Variants in SOX5 observed in about 807,000 individuals in gnomAD.
SOX5 encodes the protein SRY-box transcription factor 5, also known as transcription factor SOX-5.
Under a neutral mutation model 92.0 loss-of-function variants are expected in SOX5, and 9 were observed. That is an observed-to-expected ratio of 0.10 (90% confidence interval 0.06 to 0.17). SOX5 has a LOEUF of 0.17. Among genes scored for constraint, SOX5 ranks in the 10% least tolerant of loss-of-function variants. The pLI, the probability that SOX5 is intolerant of heterozygous loss-of-function variation, is 1.00. For missense variants in SOX5, 642 were observed against 944.5 expected, an observed-to-expected ratio of 0.68 and a Z score of 4.20; for synonymous variants, 344 against 336.3, an observed-to-expected ratio of 1.02 and a Z score of -0.25.
intron 3 of SOX5, among the ~76,000 whole-genome samples, chr12:24,251,602 A>C: frequency 6.8e-6 from 1 of 147,268 alleles, no homozygotes; most frequent in African/African-American, 2.5e-5. Context: ...ATGAAGTCTC[A>C]CTTTTGTCGC....
rs11369294 is a variant in SOX5 at position 24,520,503 on chromosome 12, T to TAA, written c.-251+41824_-251+41825dup. 1.8e-4 allele frequency among the ~76,000 whole-genome samples: 26 copies of TAA among 147,692 alleles called. No individual in the cohort carries two copies. The South Asian group carries it at 2.6e-3, about 15-fold the overall frequency. On this transcript the variant is annotated intron_variant, in intron 1 of 4. Coordinates refer to the SOX5 transcript ENST00000446891. ...TAATAGACACATAAAAGATAAACAGTAAAAAAAAACAAAGCAAATATACAC... is the reference window on the plus strand; with the variant it reads ...TAATAGACACATAAAAGATAAACAGTAAAAAAAAAAACAAAGCAAATATACAC...
chr12:23,559,972 G>A (rs187547219), intron 11 of SOX5, among the ~76,000 whole-genome samples: 77 of 152,160 alleles, frequency 5.1e-4, no homozygotes, highest in African/African-American at 1.4e-3. Flanking sequence ...GTACAATGGC[G>A]TGATCTCGGC....
intron 2 of SOX5, among the ~76,000 whole-genome samples, chr12:24,298,783 C>CAAAAA (rs10657648): frequency 0.17 from 16,706 of 96,282 alleles, 2,760 homozygotes; most frequent in East Asian, 0.64. Flanking sequence ...CCAGAGTAGT[C>CAAAAA]AAAAAAAAAA....
chr12:24,489,760 G>T (rs1332606295), intron 1 of SOX5, among the ~76,000 whole-genome samples: 1 of 152,194 alleles, frequency 6.6e-6, no homozygotes, highest in African/African-American at 2.4e-5. Flanking sequence ...GCCATCCCAA[G>T]GCAGGGCAGC....
At chr12:23,859,621 G>A (rs1413408371) in intron 2 of SOX5, among the ~76,000 whole-genome samples, 1 of 152,088 alleles carries the variant, frequency 6.6e-6, no homozygotes, top group Non-Finnish European at 1.5e-5. Context: ...GCCCTCTGAA[G>A]CATGTGATCC....
At chr12:23,636,796 C>T (rs1433151059) in intron 8 of SOX5, among the ~76,000 whole-genome samples, 1 of 152,032 alleles carries the variant, frequency 6.6e-6, no homozygotes, top group African/African-American at 2.4e-5. Flanking sequence ...TTATGAGTTA[C>T]CAAATGTCTG....
chr12:23,608,119 A>G (rs1389832168), intron 8 of SOX5, among the ~76,000 whole-genome samples: 2 of 146,934 alleles, frequency 1.4e-5, no homozygotes, highest in East Asian at 3.9e-4. Context: ...AAAAAAGAAA[A>G]AAAAAAAAAA....
At chr12:23,578,961 GCAA>G (rs1456052269) in intron 9 of SOX5, among the ~76,000 whole-genome samples, 36 of 152,030 alleles carry the variant, frequency 2.4e-4, no homozygotes, top group Non-Finnish European at 4.6e-4. Context: ...GCAAAGCAAA[GCAA>G]AGAAAAAGAA....
chr12:23,621,435 A>G (rs1592662716), intron 8 of SOX5, among the ~76,000 whole-genome samples: 1 of 152,254 alleles, frequency 6.6e-6, no homozygotes, highest in South Asian at 2.1e-4. Context: ...AAACGTGGTT[A>G]AAATGTAAGT....
intron 2 of SOX5, among the ~76,000 whole-genome samples, chr12:24,350,169 A>G (rs935448432): frequency 1.3e-5 from 2 of 152,256 alleles, no homozygotes; most frequent in Admixed American, 6.5e-5. Context: ...AGCACTGACT[A>G]TTGAAAGTGC....
At chr12:24,107,131 C>T (rs576181432) in intron 4 of SOX5, among the ~76,000 whole-genome samples, 1 of 152,040 alleles carries the variant, frequency 6.6e-6, no homozygotes. Flanking sequence ...CCTAATAATC[C>T]TCTTCTCTAA....
At chr12:23,930,779 C>T (rs1356397042) in intron 1 of SOX5, among the ~76,000 whole-genome samples, 1 of 151,714 alleles carries the variant, frequency 6.6e-6, no homozygotes, top group Admixed American at 6.6e-5. Flanking sequence ...TAGAACCAGA[C>T]TCATAAACTA....
At chr12:24,461,294 G>T (rs1943599027) in intron 1 of SOX5, among the ~76,000 whole-genome samples, 1 of 152,014 alleles carries the variant, frequency 6.6e-6, no homozygotes, top group African/African-American at 2.4e-5. Flanking sequence ...TACGATTCTA[G>T]TTTTGAACAC....
chr12:23,671,647 T>C (rs1417868744), intron 6 of SOX5, among the ~76,000 whole-genome samples: 1 of 152,134 alleles, frequency 6.6e-6, no homozygotes, highest in Non-Finnish European at 1.5e-5. Context: ...TGTCAGTTTA[T>C]CCTACTCAAT....
chr12:24,187,467 C>T (rs913694712), intron 4 of SOX5, among the ~76,000 whole-genome samples: 10 of 152,180 alleles, frequency 6.6e-5, no homozygotes, highest in Non-Finnish European at 1.5e-4. Flanking sequence ...TTTGAAAAGG[C>T]ACAGACAGAA....
At chr12:24,376,506 A>T (rs1329408748) in intron 1 of SOX5, among the ~76,000 whole-genome samples, 1 of 152,150 alleles carries the variant, frequency 6.6e-6, no homozygotes, top group Non-Finnish European at 1.5e-5. Flanking sequence ...ACAATTTGCC[A>T]ATCATGGTAG....
chr12:23,674,600 A>G (rs2085363088), intron 6 of SOX5, among the ~76,000 whole-genome samples: 1 of 151,964 alleles, frequency 6.6e-6, no homozygotes, highest in African/African-American at 2.4e-5. Flanking sequence ...GGCCTCCCAA[A>G]GTGCTGGGAT....
At chr12:24,284,726 G>A (rs911520862) in intron 2 of SOX5, among the ~76,000 whole-genome samples, 1 of 152,120 alleles carries the variant, frequency 6.6e-6, no homozygotes, top group Non-Finnish European at 1.5e-5. Flanking sequence ...TGTCTCTCCA[G>A]TATAAAGGTG....
intron 1 of SOX5, among the ~76,000 whole-genome samples, chr12:24,479,126 A>G (rs570500069): frequency 2.6e-5 from 4 of 152,140 alleles, no homozygotes; most frequent in African/African-American, 7.2e-5. Flanking sequence ...TCACATCCAC[A>G]TAGTTCTCTC....
Sources: allele counts gnomAD v4.1 joint callset (sites outside exome capture counted in the v4.1 genomes callset), GRCh38; gene constraint gnomAD v4.1.1; transcripts MANE v1.5; gene names NCBI Gene and HGNC (gene_info 2026-07-23, HGNC 2026-07-21).